The following FMN1 variants were observed in gnomAD, a reference collection of about 807,000 sequenced individuals.
FMN1 encodes formin-1.
A neutral mutation model predicts 132.4 loss-of-function variants in FMN1; 110 were observed. The ratio of observed to expected loss-of-function variants is 0.83; its 90% CI spans 0.71 to 0.97. The LOEUF is 0.97. FMN1 is among the 50% of genes least tolerant of loss of function. FMN1 has a pLI of 0.00. For missense variants in FMN1, 1,792 were observed against 1,705.3 expected (o/e 1.05, Z -0.90); for synonymous variants, 722 against 651.7 (o/e 1.11, Z -1.64).
At chr15:33,163,202 C>T (rs1374150146) in intron 3 of FMN1, among the ~76,000 whole-genome samples, 1 of 151,958 alleles carries the variant, frequency 6.6e-6, no homozygotes, top group Non-Finnish European at 1.5e-5. Flanking sequence ...AATTATATTA[C>T]AAAGAGTAAG....
At chr15:32,962,985 A>AT (rs1233948338) in intron 9 of FMN1, among the ~76,000 whole-genome samples, 2 of 139,708 alleles carry the variant, frequency 1.4e-5, no homozygotes, top group African/African-American at 5.8e-5. Flanking sequence ...CAGCCATCCC[A>AT]TTACTGGGTA....
At position 33,018,282 on chromosome 15, in the gene FMN1, T is replaced by A. The variant is rs114016199; in HGVS notation, c.2162-10207A>T. Among the ~76,000 whole-genome samples, 1,062 of 152,178 alleles carry A rather than the reference T, an allele frequency of 7.0e-3. 19 individuals are homozygous for A. Among genetic ancestry groups the A allele is most frequent in the African/African-American group, 0.024 (1,009 of 41,514 alleles). ...ACTTTCCAAAGTGATGTCTTTTTTT[T>A]AATCTTAATGATCGACCAATAACTG... On this transcript the variant is annotated intron_variant, in intron 6 of 20. Coordinates refer to ENST00000616417, the MANE Select transcript of FMN1 (RefSeq NM_001277313.2).
intron 6 of FMN1, among the ~76,000 whole-genome samples, chr15:33,041,643 G>A (rs1037805207): frequency 3.3e-5 from 5 of 151,904 alleles, no homozygotes; most frequent in Non-Finnish European, 7.4e-5. Flanking sequence ...AATCATTAGA[G>A]GAATGAAAAT....
At chr15:33,082,091 CAAT>C (rs1353571124) in intron 5 of FMN1, among the ~76,000 whole-genome samples, 3 of 76,060 alleles carry the variant, frequency 3.9e-5, no homozygotes, top group African/African-American at 2.1e-4. Flanking sequence ...GGCTGGAAAA[CAAT>C]GTGTGTGTGT....
intron 6 of FMN1, among the ~76,000 whole-genome samples, chr15:33,053,157 G>C (rs1413567683): frequency 6.6e-6 from 1 of 152,178 alleles, no homozygotes; most frequent in Non-Finnish European, 1.5e-5. Context: ...AAAGGCTGTA[G>C]AACTAGGCCT....
At chr15:32,938,153 T>C (rs1042193083) in intron 9 of FMN1, among the ~76,000 whole-genome samples, 2 of 152,134 alleles carry the variant, frequency 1.3e-5, no homozygotes, top group African/African-American at 4.8e-5. Context: ...TACTGACAAC[T>C]TCCTTGTCAG....
chr15:32,886,696 G>C (rs1262363896), intron 16 of FMN1, among the ~76,000 whole-genome samples: 1 of 152,172 alleles, frequency 6.6e-6, no homozygotes, highest in Non-Finnish European at 1.5e-5. Flanking sequence ...GGGGCCAAGA[G>C]ACAAGAGGGA....
At chr15:32,930,719 T>TG (rs947304584) in intron 9 of FMN1, among the ~76,000 whole-genome samples, 10 of 150,526 alleles carry the variant, frequency 6.6e-5, no homozygotes, top group African/African-American at 2.5e-4. Flanking sequence ...TTTGCTTTTT[T>TG]TGGGGGGGGG....
intron 4 of FMN1, among the ~76,000 whole-genome samples, chr15:33,120,731 T>TA (rs1389053622): frequency 1.3e-5 from 2 of 152,188 alleles, no homozygotes; most frequent in African/African-American, 4.8e-5. Context: ...GACATATATA[T>TA]AAGATATGGA....
chr15:33,111,646 A>G (rs1245871113), intron 4 of FMN1, among the ~76,000 whole-genome samples: 2 of 152,100 alleles, frequency 1.3e-5, no homozygotes, highest in Non-Finnish European at 2.9e-5. Context: ...TTTTGCCTAT[A>G]AAAAAATCTC....
intron 17 of FMN1, among the ~76,000 whole-genome samples, chr15:32,834,713 A>G (rs971745209): frequency 6.6e-6 from 1 of 152,360 alleles, no homozygotes. Flanking sequence ...GAAGTGAGAA[A>G]ATAAAGGTAA....
chr15:33,075,981 C>T (rs2141297943), intron 5 of FMN1, among the ~76,000 whole-genome samples: 1 of 152,308 alleles, frequency 6.6e-6, no homozygotes, highest in African/African-American at 2.4e-5. Flanking sequence ...ATCCTACTCT[C>T]AAATATTTCT....
chr15:32,864,693 T>C lies in FMN1; in HGVS notation c.3836-7586A>G, dbSNP rs572952906. On this transcript the variant is annotated intron_variant, in intron 16 of 20. Coordinates refer to ENST00000616417, the MANE Select transcript of FMN1 (RefSeq NM_001277313.2). ...GTCAAAATATTATCTCAGAATAATG[T>C]AGCTACATACATGGACTTAGACAAA... is the stretch of plus-strand genomic sequence containing the variant. 2.6e-5 allele frequency among the ~76,000 whole-genome samples: 4 copies of C among 152,334 alleles called. No homozygotes were observed. In the East Asian group the frequency reaches 7.7e-4, roughly 29 times the overall value.
At position 32,863,265 on chromosome 15, in the gene FMN1, A is replaced by G. The variant is rs558968841; in HGVS notation, c.3836-6158T>C. 1.2e-3 allele frequency among the ~76,000 whole-genome samples: 175 copies of G among 152,092 alleles called. 4 individuals carry two copies. The South Asian group carries it at 0.032, about 28-fold the overall frequency. On this transcript the variant is annotated intron_variant, in intron 16 of 20. Transcript: ENST00000616417. ...ATCCTGCCTAACACGGTGAAACCCC[A>G]TCTCTACTAAAAATACAAAAAATTA...
intron 6 of FMN1, among the ~76,000 whole-genome samples, chr15:33,034,236 CT>C (rs1475174785): frequency 6.6e-6 from 1 of 152,134 alleles, no homozygotes; most frequent in East Asian, 1.9e-4. Context: ...AATCTTCCCC[CT>C]AAACATGCTC....
chr15:32,845,484 T>A (rs1332618026), intron 17 of FMN1, among the ~76,000 whole-genome samples: 1 of 152,176 alleles, frequency 6.6e-6, no homozygotes, highest in African/African-American at 2.4e-5. Context: ...GAAACAAATA[T>A]GCTTATTTCT....
At chr15:32,900,550 A>G (rs550528865) in intron 13 of FMN1, among the ~76,000 whole-genome samples, 18 of 152,370 alleles carry the variant, frequency 1.2e-4, no homozygotes, top group African/African-American at 4.3e-4. Context: ...TAACCAATAC[A>G]GTTAAATGCA....
chr15:32,996,705 A>C (rs2033791408), intron 7 of FMN1, among the ~76,000 whole-genome samples: 1 of 152,210 alleles, frequency 6.6e-6, no homozygotes, highest in African/African-American at 2.4e-5. Flanking sequence ...TGAAATGGTC[A>C]AAGCACACAT....
At chr15:33,001,157 CT>C (rs2034079569) in intron 7 of FMN1, among the ~76,000 whole-genome samples, 1 of 152,120 alleles carries the variant, frequency 6.6e-6, no homozygotes, top group Admixed American at 6.5e-5. Flanking sequence ...GTAGCACATG[CT>C]TGTAATTCCA....
Sources: allele counts gnomAD v4.1 joint callset (sites outside exome capture counted in the v4.1 genomes callset), GRCh38; gene constraint gnomAD v4.1.1; transcripts MANE v1.5; gene names NCBI Gene and HGNC (gene_info 2026-07-23, HGNC 2026-07-21).